SPRR2B: variants seen among roughly 807,000 people sequenced by gnomAD.
The protein encoded by SPRR2B is small proline-rich protein 2B.
Under a neutral mutation model 1.0 loss-of-function variants are expected in SPRR2B, and 1 was observed. The ratio of observed to expected loss-of-function variants is 1.01; its 90% confidence interval spans 0.36 to 4.77. The LOEUF is 4.77. Among genes scored for constraint, SPRR2B ranks in the 30% most tolerant of loss-of-function variants. The pLI, the probability that SPRR2B is intolerant of heterozygous loss-of-function variation, is 0.16. For synonymous variants in SPRR2B, 27 were observed against 33.4 expected (o/e 0.81, Z 0.66); for missense variants, 53 against 88.7 (o/e 0.60, Z 1.62).
chr1:153,079,624 C>T, the SPRR2B span, among the ~76,000 whole-genome samples: 4 of 152,180 alleles, frequency 2.6e-5, no homozygotes, highest in East Asian at 7.7e-4. Flanking sequence ...AATAAGGAAT[C>T]CTTTCCCCAT....
chr1:153,082,385 A>T, the SPRR2B span, among the ~76,000 whole-genome samples: 20 of 152,276 alleles, frequency 1.3e-4, no homozygotes, highest in Middle Eastern at 3.4e-3. Context: ...ACTCCACCCA[A>T]CTGCAGCAGG....
chr1:153,087,093 A>T, the SPRR2B span, among the ~76,000 whole-genome samples: 1 of 152,156 alleles, frequency 6.6e-6, no homozygotes, highest in African/African-American at 2.4e-5. Context: ...TAGCACTATA[A>T]CACAAAGAAA....
At chr1:153,072,028 C>A (rs1654676942), upstream of SPRR2B, among the ~76,000 whole-genome samples, 1 of 152,194 alleles carries the variant, frequency 6.6e-6, no homozygotes, top group South Asian at 2.1e-4. Context: ...GGCCTGAGTT[C>A]TGGCCACAGA....
the SPRR2B span, among the ~76,000 whole-genome samples, chr1:153,078,277 A>G: frequency 6.6e-6 from 1 of 152,222 alleles, no homozygotes; most frequent in Admixed American, 6.5e-5. Context: ...TGGCTACACT[A>G]ACATCAGACA....
chr1:153,084,199 C>A, the SPRR2B span, among the ~76,000 whole-genome samples: 1 of 152,272 alleles, frequency 6.6e-6, no homozygotes, highest in African/African-American at 2.4e-5. Flanking sequence ...TCCCCTGGGC[C>A]CAGAGCAACA....
chr1:153,084,704 T>C, the SPRR2B span, among the ~76,000 whole-genome samples: 1 of 152,120 alleles, frequency 6.6e-6, no homozygotes, highest in African/African-American at 2.4e-5. Flanking sequence ...ATGCTGCCAC[T>C]GCTCTTGACA....
the SPRR2B span, among the ~76,000 whole-genome samples, chr1:153,078,807 A>G: frequency 6.6e-6 from 1 of 152,218 alleles, no homozygotes; most frequent in Non-Finnish European, 1.5e-5. Flanking sequence ...TATTGTGAAT[A>G]GTGCTGCAAT....
At chr1:153,085,258 T>C in the SPRR2B span, among the ~76,000 whole-genome samples, 1 of 151,684 alleles carries the variant, frequency 6.6e-6, no homozygotes, top group Non-Finnish European at 1.5e-5. Flanking sequence ...TGAAACCCAA[T>C]CCAAGGAAGC....
upstream of SPRR2B, among the ~76,000 whole-genome samples, chr1:153,076,282 A>G (rs1654766044): frequency 6.6e-6 from 1 of 152,162 alleles, no homozygotes; most frequent in Admixed American, 6.5e-5. Flanking sequence ...TTCTACTTTT[A>G]TTTTCTCCAT....
chr1:153,071,743 G>T (rs530814560), upstream of SPRR2B, among the ~76,000 whole-genome samples: 19 of 152,296 alleles, frequency 1.2e-4, no homozygotes, highest in Middle Eastern at 3.4e-3. Flanking sequence ...GCATGACAGG[G>T]ATTCTCAAAC....
rs1654638650 is a variant in SPRR2B at position 153,070,633 on chromosome 1, C to CCTGAA, written c.206_207insTTCAG (p.Lys70SerfsTer47). On this transcript the variant is annotated frameshift_variant, in exon 2 of 2. Transcript: ENST00000368755. LOFTEE classifies it high-confidence loss of function. ...AATCCTGAAGCTGTTACTTGCTCTT[C>CCTGAA]GGTGGATACTTTGGCTGGCAGGGTG... is the stretch of plus-strand genomic sequence containing the variant. 6.2e-7 allele frequency: 1 copy of CCTGAA among 1,611,966 alleles called. No individual in the cohort carries two copies. Among genetic ancestry groups the CCTGAA allele is most frequent in the Non-Finnish European group, 8.5e-7 (1 of 1,179,776 alleles).
the SPRR2B span, among the ~76,000 whole-genome samples, chr1:153,083,289 A>T: frequency 1.1e-4 from 17 of 152,228 alleles, no homozygotes; most frequent in Non-Finnish European, 2.1e-4. Context: ...TTCAAAAAAG[A>T]AAGCTGAAAA....
the SPRR2B span, among the ~76,000 whole-genome samples, chr1:153,087,546 GA>G: frequency 0.031 from 4,736 of 151,804 alleles, 226 homozygotes; most frequent in African/African-American, 0.11. Context: ...AACACAATTA[GA>G]AAAAACAAAG....
chr1:153,073,788 T>C (rs1368134138), upstream of SPRR2B, among the ~76,000 whole-genome samples: 1 of 152,148 alleles, frequency 6.6e-6, no homozygotes, highest in Non-Finnish European at 1.5e-5. Context: ...AGCTTTATCT[T>C]CTTTAAGAGT....
upstream of SPRR2B, among the ~76,000 whole-genome samples, chr1:153,073,478 T>TTA (rs2101612235): frequency 6.6e-6 from 1 of 152,232 alleles, no homozygotes; most frequent in East Asian, 1.9e-4. Context: ...AACAGGCTGT[T>TTA]TATCACAGCA....
In SPRR2B at chr1:153,070,540, T is replaced by G; in HGVS notation, c.*81A>C. The G allele has an allele frequency of 1.9e-6, 3 of 1,558,654 alleles. No individual in the cohort carries two copies. Among genetic ancestry groups the G allele is most frequent in the Non-Finnish European group, 2.6e-6 (3 of 1,151,764 alleles). ...CCTATGAATCCATGATAAGCTTTGA[T>G]GAGAAGATGAAGGTGGAGCTGTGGA... On this transcript the variant is annotated 3_prime_UTR_variant, in exon 2 of 2. Transcript: ENST00000368755.
chr1:153,070,599 C>A lies in SPRR2B; in HGVS notation c.*22G>T, dbSNP rs759850837. 7.5e-5 allele frequency: 120 copies of A among 1,608,270 alleles called. No individual in the cohort carries two copies. Among genetic ancestry groups the A allele is most frequent in the Non-Finnish European group, 9.6e-5 (113 of 1,178,022 alleles). ...AGCCAATTATCCTTATCCTCTCATG[C>A]TCCTGATGAATCCTGAAGCTGTTAC... On this transcript the variant is annotated 3_prime_UTR_variant, in exon 2 of 2. Coordinates refer to ENST00000368755, the MANE Select transcript of SPRR2B (RefSeq NM_001388198.1).
chr1:153,076,373 G>C (rs1284317549), upstream of SPRR2B, among the ~76,000 whole-genome samples: 3 of 152,148 alleles, frequency 2.0e-5, no homozygotes, highest in Non-Finnish European at 4.4e-5. Context: ...GTGTTAATGA[G>C]ATTCAGAAGA....
the SPRR2B span, among the ~76,000 whole-genome samples, chr1:153,079,456 T>A: frequency 2.0e-5 from 3 of 152,252 alleles, no homozygotes; most frequent in Admixed American, 2.0e-4. Flanking sequence ...ATGTACTGAA[T>A]GGTATTGCCT....
Sources: gnomAD v4.1 joint callset for allele counts (sites outside exome capture counted in the v4.1 genomes callset) on GRCh38, gnomAD v4.1.1 for gene constraint, MANE v1.5 for transcripts, NCBI Gene and HGNC (gene_info 2026-07-23, HGNC 2026-07-21) for gene names.